The following RYR2 variants were observed in gnomAD, a reference collection of about 807,000 sequenced individuals.
RYR2 encodes the protein ryanodine receptor 2, also known as cardiac muscle ryanodine receptor-calcium release channel.
In RYR2, 227 loss-of-function variants were observed where a neutral mutation model predicts 601.1. The ratio of observed to expected loss-of-function variants is 0.38; its 90% CI spans 0.34 to 0.42. The LOEUF is 0.42. Among genes scored for constraint, RYR2 ranks in the 10% least tolerant of loss-of-function variants. RYR2 has a pLI of 1.00. For synonymous variants in RYR2, 2,223 were observed against 2,175.1 expected, an observed-to-expected ratio of 1.02 and a Z score of -0.61; for missense variants, 4,646 against 6,156.5, an observed-to-expected ratio of 0.75 and a Z score of 8.21.
At position 237,723,130 on chromosome 1, in the gene RYR2, G is replaced by A. The variant is rs558910032; in HGVS notation, c.10557G>A (p.Leu3519=). The A allele has an allele frequency of 1.9e-6, 3 of 1,601,734 alleles. No homozygotes were observed. Among genetic ancestry groups the A allele is most frequent in the Non-Finnish European group, 2.6e-6 (3 of 1,176,012 alleles). Residue 3519 remains leucine (L), a splice_region_variant and synonymous_variant, in exon 74 of 105, where the codon TTG becomes TTA. Coordinates refer to ENST00000366574, the MANE Select transcript of RYR2 (RefSeq NM_001035.3). ...IRSNIHLQGK[L]EDPAIRWQMA... ...TAACCTTTTCCTTTTTTCTGCAGTT[G>A]GAGGATCCTGCTATTAGATGGCAAA...
At chr1:237,830,316 TC>T (rs771710876) in intron 102 of RYR2, 11 of 444,902 alleles carry the variant, frequency 2.5e-5, no homozygotes, top group Non-Finnish European at 4.1e-5. Context: ...GTCTGCTACT[TC>T]TTGCTGCTGG....
At position 237,545,623 on chromosome 1, in the gene RYR2, A is replaced by G. The variant is rs530179236; in HGVS notation, c.2907-2808A>G. Among the ~76,000 whole-genome samples the G allele has an allele frequency of 5.3e-5, 8 of 152,316 alleles. No individual in the cohort carries two copies. The East Asian group carries it at 1.4e-3, about 26-fold the overall frequency. ...TAGTTGTGAGGAAGCAAGGAAGTAC[A>G]GAAGACTGGGCTCTTCATCATGTAC... On this transcript the variant is annotated intron_variant, in intron 25 of 104. Coordinates refer to ENST00000366574, the MANE Select transcript of RYR2 (RefSeq NM_001035.3).
intron 29 of RYR2, among the ~76,000 whole-genome samples, chr1:237,588,135 A>AT (rs1359916448): frequency 4.0e-5 from 6 of 151,862 alleles, no homozygotes; most frequent in South Asian, 2.1e-4. Flanking sequence ...TACAGCTGCA[A>AT]TTTTTTTTAG....
At chr1:237,544,389 T>C (rs1669592385) in intron 25 of RYR2, among the ~76,000 whole-genome samples, 1 of 152,186 alleles carries the variant, frequency 6.6e-6, no homozygotes, top group Non-Finnish European at 1.5e-5. Context: ...TAGAATGTAA[T>C]ACAGAGACAT....
In RYR2 at chr1:237,638,384, C is replaced by T. The variant is rs2148723765; in HGVS notation, c.6820C>T (p.Leu2274=). The change falls in exon 45 of 105, where the codon CTG becomes TTG. Residue 2274 remains leucine (L), a synonymous_variant. Transcript: ENST00000366574. ...AGTTCGTTATTTGGCTGGTTGTGGA[C>T]TGCAAAGTTGCCAGATGCTGGTGTC... ...KVVRYLAGCG[L]QSCQMLVSKG... is the part of the protein sequence containing the mutation. 1 of 1,613,926 alleles carries T rather than the reference C, an allele frequency of 6.2e-7. No individual in the cohort carries two copies. Among genetic ancestry groups the T allele is most frequent in the Admixed American group, 1.7e-5 (1 of 60,024 alleles).
At chr1:237,553,648 A>G (rs1013974175) in intron 27 of RYR2, among the ~76,000 whole-genome samples, 1 of 151,906 alleles carries the variant, frequency 6.6e-6, no homozygotes. Flanking sequence ...TTTTAGCCAT[A>G]TTTAGTCGAC....
intron 1 of RYR2, among the ~76,000 whole-genome samples, chr1:237,182,033 A>G (rs778077201): frequency 6.6e-6 from 1 of 152,180 alleles, no homozygotes; most frequent in Non-Finnish European, 1.5e-5. Flanking sequence ...TTTAAACTAT[A>G]AGACATTTGC....
At chr1:237,186,342 T>A (rs1345047533) in intron 1 of RYR2, among the ~76,000 whole-genome samples, 1 of 152,180 alleles carries the variant, frequency 6.6e-6, no homozygotes, top group African/African-American at 2.4e-5. Flanking sequence ...CCATTCTGTA[T>A]GTAAAAACAA....
intron 89 of RYR2, among the ~76,000 whole-genome samples, chr1:237,782,497 G>T (rs991362758): frequency 6.6e-6 from 1 of 152,098 alleles, no homozygotes; most frequent in Admixed American, 6.5e-5. Flanking sequence ...CTCCACTTCA[G>T]TTAACTGAGG....
At chr1:237,620,577 A>G (rs1052714488) in intron 38 of RYR2, among the ~76,000 whole-genome samples, 3 of 152,126 alleles carry the variant, frequency 2.0e-5, no homozygotes, top group African/African-American at 7.2e-5. Flanking sequence ...AAATATAATA[A>G]TGTATACAGA....
intron 103 of RYR2, 38 bp downstream of exon 103, chr1:237,830,668 T>TGGCGTCTACTGG: frequency 9.9e-6 from 10 of 1,006,422 alleles, no homozygotes; most frequent in Non-Finnish European, 1.6e-5. Flanking sequence ...ACCTCTCCAG[T>TGGCGTCTACTGG]AGACGCCACT....
intron 11 of RYR2, among the ~76,000 whole-genome samples, chr1:237,422,879 T>A (rs1167666291): frequency 2.0e-5 from 3 of 152,236 alleles, no homozygotes; most frequent in Non-Finnish European, 4.4e-5. Context: ...TTTAACTTCT[T>A]CTTACTATAA....
intron 10 of RYR2, among the ~76,000 whole-genome samples, chr1:237,402,872 C>CACGG (rs1329337353): frequency 6.7e-6 from 1 of 149,356 alleles, no homozygotes; most frequent in African/African-American, 2.5e-5. Flanking sequence ...GCCTCGATGT[C>CACGG]CTGGCCTCAA....
intron 1 of RYR2, among the ~76,000 whole-genome samples, chr1:237,219,991 A>C (rs567823247): frequency 6.6e-6 from 1 of 152,160 alleles, no homozygotes; most frequent in African/African-American, 2.4e-5. Flanking sequence ...AAGTACTTTT[A>C]GCTGTGATTA....
chr1:237,715,322 A>G (rs1226179507), intron 71 of RYR2, among the ~76,000 whole-genome samples: 1 of 152,206 alleles, frequency 6.6e-6, no homozygotes, highest in Non-Finnish European at 1.5e-5. Context: ...TGAACAAAAA[A>G]TACCCAATAT....
chr1:237,560,135 A>G (rs1671302673), intron 27 of RYR2, among the ~76,000 whole-genome samples: 1 of 152,254 alleles, frequency 6.6e-6, no homozygotes. Flanking sequence ...TTTTTCCTGA[A>G]TACATGCACA....
At chr1:237,598,044 T>G (rs914186120) in intron 34 of RYR2, among the ~76,000 whole-genome samples, 5 of 152,120 alleles carry the variant, frequency 3.3e-5, no homozygotes, top group African/African-American at 1.2e-4. Flanking sequence ...TTAGATAAAA[T>G]AGACTTAATT....
At chr1:237,216,422 T>C (rs1683158656) in intron 1 of RYR2, among the ~76,000 whole-genome samples, 1 of 152,144 alleles carries the variant, frequency 6.6e-6, no homozygotes, top group Non-Finnish European at 1.5e-5. Flanking sequence ...AGTTGAATGT[T>C]CAATTGATTT....
rs79464890 is a variant in RYR2, at chr1:237,768,335, A to G, written c.11477-2472A>G. ...ATTAACCTTTCCACAATTTACAAAA[A>G]ATTACCACAGATTATGAAGAGCCAG... is the stretch of plus-strand genomic sequence containing the variant. On this transcript the variant is annotated intron_variant, in intron 84 of 104. Transcript: ENST00000366574. Among the ~76,000 whole-genome samples, 858 of 152,302 alleles carry G rather than the reference A, an allele frequency of 5.6e-3. 13 individuals carry two copies. Among genetic ancestry groups the G allele is most frequent in the African/African-American group, 0.019 (791 of 41,574 alleles).
Sources: allele counts gnomAD v4.1 joint callset (sites outside exome capture counted in the v4.1 genomes callset), GRCh38; gene constraint gnomAD v4.1.1; transcripts MANE v1.5; gene names NCBI Gene and HGNC (gene_info 2026-07-23, HGNC 2026-07-21).